Variants in KCNQ2 observed in about 807,000 individuals in gnomAD.
KCNQ2 encodes potassium voltage-gated channel subfamily KQT member 2.
KCNQ2 carries 14 observed loss-of-function variants against 84.8 expected under a neutral mutation model. The observed-to-expected ratio is 0.17, with a 90% CI of 0.11 to 0.26. KCNQ2 has a LOEUF of 0.26. Among genes scored for constraint, KCNQ2 ranks in the 10% least tolerant of loss-of-function variants. The probability of loss-of-function intolerance (pLI) is 1.00; values close to 1 mark genes in which losing one functional copy is unlikely to be tolerated. For synonymous variants in KCNQ2, 599 were observed against 554.1 expected, an observed-to-expected ratio of 1.08 and a Z score of -1.14; for missense variants, 788 against 1,254.0, an observed-to-expected ratio of 0.63 and a Z score of 5.61.
In KCNQ2 at chr20:63,444,878, C is replaced by T. The variant is rs186090781; in HGVS notation, c.515-44G>A. 5.8e-6 allele frequency: 9 copies of T among 1,538,662 alleles called. No homozygotes were observed. The East Asian group carries it at 1.2e-4, about 20-fold the overall frequency. On this transcript the variant is annotated intron_variant, in intron 3 of 16. Coordinates refer to ENST00000359125, the MANE Select transcript of KCNQ2 (RefSeq NM_172107.4). ...GCTGGTGAGCTGCTGGGCCGCTCCCCGCACCCCCTTGGAGAAAACTCCCCA... is the reference window on the plus strand; with the variant it reads ...GCTGGTGAGCTGCTGGGCCGCTCCCTGCACCCCCTTGGAGAAAACTCCCCA...
Position 63,400,584 on chromosome 20 carries a change from A to G in KCNQ2, c.*6060T>C, listed in dbSNP as rs1209806422. On this transcript the variant is annotated 3_prime_UTR_variant, in exon 17 of 17. Coordinates refer to ENST00000359125, the MANE Select transcript of KCNQ2 (RefSeq NM_172107.4). This position sits in a 1 kb window ranked among gnomAD's most constrained non-coding sequence, Gnocchi z 8.7. ...AGAAGTGTACGTCGGTACTGAAGGC[A>G]TTATGAAATGTTCTTTGGAGCATGA... 1 of 398,520 alleles carries G rather than the reference A, an allele frequency of 2.5e-6. No individual in the cohort carries two copies. The highest frequency in any genetic ancestry group is 4.4e-6 in the Non-Finnish European group (1 of 226,042). The allele number at this position is 398,520 out of a possible 1,614,324, so 24.7% of individuals were successfully genotyped here.
Position 63,438,365 on chromosome 20 carries a change from G to T in KCNQ2, c.1023+260C>A. 3.5e-6 allele frequency: 2 copies of T among 576,144 alleles called. No individual in the cohort carries two copies. Among genetic ancestry groups the T allele is most frequent in the South Asian group, 3.9e-5 (2 of 50,696 alleles). The allele number at this position is 576,144 out of a possible 1,614,324, so 35.7% of individuals were successfully genotyped here. ...CAGGGTGCGGTAGAGAGGACCTGATGGCCGGGCCCCAGCACCCACACAAGG... is the reference window on the plus strand; with the variant it reads ...CAGGGTGCGGTAGAGAGGACCTGATTGCCGGGCCCCAGCACCCACACAAGG... On this transcript the variant is annotated intron_variant, in intron 7 of 16. Coordinates refer to ENST00000359125, the MANE Select transcript of KCNQ2 (RefSeq NM_172107.4). The surrounding 1 kb of genome is among the most constrained non-coding windows in gnomAD (Gnocchi z 5.1).
intron 11 of KCNQ2, 69 bp from the exon 12 acceptor site, chr20:63,419,741 G>A: frequency 7.1e-7 from 1 of 1,407,678 alleles, no homozygotes; most frequent in Non-Finnish European, 9.9e-7. Context: ...CAGGGAAACT[G>A]AGGCACTGCA....
chr20:63,435,795 T>C (rs73146523), intron 7 of KCNQ2, among the ~76,000 whole-genome samples: 11,038 of 152,174 alleles, frequency 0.073, 618 homozygotes, highest in African/African-American at 0.14. Flanking sequence ...GCCAGTGAAC[T>C]CTGTTTCCAA....
In KCNQ2 at chr20:63,428,331, A is replaced by T. The variant is rs562007525; in HGVS notation, c.1217+36T>A. 7 of 1,511,018 alleles carry T rather than the reference A, an allele frequency of 4.6e-6. No individual in the cohort carries two copies. The East Asian group carries it at 1.7e-4, about 37-fold the overall frequency. 93.6% of individuals were successfully genotyped at this position (1,511,018 alleles called of 1,614,324 possible). ...AGCTGGGGCCCCCAGGAGGACTGAG[A>T]CGCCCACCCGCCCCACCTGGAGCTC... On this transcript the variant is annotated intron_variant, in intron 10 of 16. Transcript: ENST00000359125.
intron 1 of KCNQ2, among the ~76,000 whole-genome samples, chr20:63,464,349 G>A (rs537270694): frequency 2.6e-4 from 40 of 152,064 alleles, no homozygotes; most frequent in Admixed American, 1.4e-3. Context: ...GTGCCCCGAG[G>A]CCTCGGGGCA....
At position 63,403,349 on chromosome 20, in the gene KCNQ2, A is replaced by T. The variant is rs2079847371; in HGVS notation, c.*3295T>A. The T allele has an allele frequency of 6.6e-6, 1 of 152,332 alleles. No individual in the cohort carries two copies. Among genetic ancestry groups the T allele is most frequent in the Non-Finnish European group, 1.5e-5 (1 of 68,104 alleles). 9.4% of individuals were successfully genotyped at this position (152,332 alleles called of 1,614,324 possible). A position where few individuals can be genotyped will look rare whatever the true frequency, so the allele number is the denominator to read the frequency against. On this transcript the variant is annotated 3_prime_UTR_variant, in exon 17 of 17. Coordinates refer to ENST00000359125, the MANE Select transcript of KCNQ2 (RefSeq NM_172107.4). The stretch of plus-strand genomic sequence containing the variant: ...ACACTCAGCAGGGTCAAAGAGAAAG[A>T]CCAGAGACAGAAGGGCTCCAAGGCT...
intron 1 of KCNQ2, among the ~76,000 whole-genome samples, chr20:63,463,194 C>T (rs571607487): frequency 2.4e-4 from 36 of 152,196 alleles, no homozygotes; most frequent in African/African-American, 8.7e-4. Context: ...CCCAGGAGTT[C>T]TGGGCTGCAG....
intron 8 of KCNQ2, among the ~76,000 whole-genome samples, chr20:63,431,924 C>T (rs544892987): frequency 2.9e-4 from 44 of 151,408 alleles, no homozygotes; most frequent in Non-Finnish European, 5.5e-4. Flanking sequence ...AAGGCCCCAC[C>T]CTCAGGGAAG....
intron 11 of KCNQ2, 78 bp downstream of exon 11, chr20:63,424,099 G>A (rs1471457554): frequency 6.8e-7 from 1 of 1,471,796 alleles, no homozygotes; most frequent in East Asian, 2.5e-5. Context: ...CTCCATGACA[G>A]GTTGCGCACA....
intron 14 of KCNQ2, 73 bp from the exon 15 acceptor site, chr20:63,413,654 C>T: frequency 6.4e-7 from 1 of 1,573,820 alleles, no homozygotes; most frequent in East Asian, 2.2e-5. Flanking sequence ...ACCTTCCTAG[C>T]ACCTCTGAGA....
At chr20:63,454,727 G>A (rs1487230527) in intron 1 of KCNQ2, among the ~76,000 whole-genome samples, 1 of 152,246 alleles carries the variant, frequency 6.6e-6, no homozygotes, top group Non-Finnish European at 1.5e-5. Context: ...TCTGAACCAG[G>A]GGAGGGAGAG....
At chr20:63,436,360 T>C (rs1169534409) in intron 7 of KCNQ2, among the ~76,000 whole-genome samples, 2 of 152,080 alleles carry the variant, frequency 1.3e-5, no homozygotes, top group Non-Finnish European at 2.9e-5. Flanking sequence ...TGAAACCCCG[T>C]CTCTACTAAA....
rs1316582699 is a variant in KCNQ2, at chr20:63,405,876, CCCCA to C, written c.*764_*767del. Reference sequence around the variant, plus strand: ...AGACCCTTTGGAGCCGGCTCCCTGGCCCCACCGTGAGCCAGGCCCTCCCTCTGGA... The same window carrying C: ...AGACCCTTTGGAGCCGGCTCCCTGGCCCGTGAGCCAGGCCCTCCCTCTGGA... On this transcript the variant is annotated 3_prime_UTR_variant, in exon 17 of 17. Coordinates refer to ENST00000359125, the MANE Select transcript of KCNQ2 (RefSeq NM_172107.4). 1.3e-5 allele frequency: 2 copies of C among 152,328 alleles called. No homozygotes were observed. The highest frequency in any genetic ancestry group is 1.3e-4 in the Admixed American group (2 of 15,304). The allele number at this position is 152,328 out of a possible 1,614,324, so 9.4% of individuals were successfully genotyped here.
chr20:63,401,070 G>A lies in KCNQ2; in HGVS notation c.*5574C>T, dbSNP rs1005762516. The A allele has an allele frequency of 2.0e-5, 8 of 393,298 alleles. No individual in the cohort carries two copies. Among genetic ancestry groups the A allele is most frequent in the African/African-American group, 1.0e-4 (5 of 48,478 alleles). 24.4% of individuals were successfully genotyped at this position (393,298 alleles called of 1,614,324 possible). A position where few individuals can be genotyped will look rare whatever the true frequency, so the allele number is the denominator to read the frequency against. ...GCTGGCGCCTGGCCGAGAGTCAGAC[G>A]CTGAGGACCTCTCAGGACGGGGCCC... On this transcript the variant is annotated 3_prime_UTR_variant, in exon 17 of 17. Coordinates refer to ENST00000359125, the MANE Select transcript of KCNQ2 (RefSeq NM_172107.4).
chr20:63,415,199 G>T, intron 12 of KCNQ2, 73 bp from the exon 13 acceptor site: 1 of 1,364,628 alleles, frequency 7.3e-7, no homozygotes, highest in Non-Finnish European at 1.0e-6. Flanking sequence ...CACAGGCCGT[G>T]TCTGCTCATG....
chr20:63,412,176 C>T (rs1182958784), intron 15 of KCNQ2: 11 of 356,854 alleles, frequency 3.1e-5, no homozygotes, highest in Admixed American at 1.4e-4. Flanking sequence ...CAGCAGGAGC[C>T]GGTACCAGAC....
At chr20:63,444,154 A>G (rs1178517937) in intron 4 of KCNQ2, among the ~76,000 whole-genome samples, 1 of 152,206 alleles carries the variant, frequency 6.6e-6, no homozygotes, top group Non-Finnish European at 1.5e-5. Context: ...AGGTGGAGGG[A>G]CAGCACAGTC....
chr20:63,442,254 C>A (rs572667272), intron 5 of KCNQ2, 152 bp downstream of exon 5: 1 of 1,101,978 alleles, frequency 9.1e-7, no homozygotes, highest in African/African-American at 1.5e-5. Flanking sequence ...ACCACCACCC[C>A]GCCTCGACCA....
Sources: gnomAD v4.1 joint callset for allele counts (sites outside exome capture counted in the v4.1 genomes callset) on GRCh38, gnomAD v4.1.1 for gene constraint, Gnocchi (gnomAD v3.1) non-coding constraint, MANE v1.5 for transcripts, NCBI Gene and HGNC (gene_info 2026-07-23, HGNC 2026-07-21) for gene names.